The following CCDC192 variants were observed in gnomAD, a reference collection of about 807,000 sequenced individuals.
CCDC192 encodes coiled-coil domain-containing protein 192.
At chr5:127,730,271 A>G (rs1752567474) in intron 2 of CCDC192, among the ~76,000 whole-genome samples, 1 of 152,218 alleles carries the variant, frequency 6.6e-6, no homozygotes. Context: ...TAGAAAATCT[A>G]GAAGAACTGG....
At chr5:127,890,302 G>T (rs183762193) in intron 6 of CCDC192, among the ~76,000 whole-genome samples, 65 of 152,190 alleles carry the variant, frequency 4.3e-4, no homozygotes, top group African/African-American at 1.5e-3. Context: ...ACTTGAGCCT[G>T]GGTGGTCGAG....
At chr5:127,913,430 G>A (rs139215453) in intron 6 of CCDC192, among the ~76,000 whole-genome samples, 2 of 152,268 alleles carry the variant, frequency 1.3e-5, no homozygotes, top group East Asian at 3.9e-4. Context: ...AGGCCTCACT[G>A]ACCACCAAAG....
chr5:127,889,682 G>A (rs1297685900), intron 6 of CCDC192, among the ~76,000 whole-genome samples: 4 of 152,144 alleles, frequency 2.6e-5, no homozygotes, highest in Admixed American at 1.3e-4. Context: ...GATTACAGGT[G>A]TGAGCCACCA....
At chr5:127,802,410 C>T (rs999150742) in intron 5 of CCDC192, among the ~76,000 whole-genome samples, 1 of 152,104 alleles carries the variant, frequency 6.6e-6, no homozygotes, top group African/African-American at 2.4e-5. Context: ...GGGACCTGAC[C>T]CCCTTTCCTG....
intron 3 of CCDC192, among the ~76,000 whole-genome samples, chr5:127,774,453 T>C (rs929787592): frequency 6.6e-6 from 1 of 152,236 alleles, no homozygotes; most frequent in Admixed American, 6.5e-5. Flanking sequence ...GGGGTCCAAC[T>C]TCAAGTTCTA....
chr5:127,870,453 G>T (rs1218664066), intron 5 of CCDC192, among the ~76,000 whole-genome samples: 1 of 152,208 alleles, frequency 6.6e-6, no homozygotes. Context: ...GCAGACTGAA[G>T]TTGTCATTGG....
intron 3 of CCDC192, among the ~76,000 whole-genome samples, chr5:127,765,919 C>T (rs1755197342): frequency 6.6e-6 from 1 of 152,128 alleles, no homozygotes; most frequent in South Asian, 2.1e-4. Flanking sequence ...TTCCTGATCC[C>T]CAGTATTTGT....
intron 6 of CCDC192, among the ~76,000 whole-genome samples, chr5:127,879,395 T>A: frequency 7.5e-6 from 1 of 134,002 alleles, no homozygotes. Context: ...TGTAGAAAGC[T>A]GAAACTGGAT....
intron 2 of CCDC192, among the ~76,000 whole-genome samples, chr5:127,743,683 C>T (rs545736099): frequency 1.3e-5 from 2 of 152,280 alleles, no homozygotes; most frequent in East Asian, 3.9e-4. Context: ...TCTTAGGTGA[C>T]TATTGAGGCA....
At chr5:127,860,757 C>A (rs1447883559) in intron 5 of CCDC192, among the ~76,000 whole-genome samples, 1 of 152,128 alleles carries the variant, frequency 6.6e-6, no homozygotes, top group African/African-American at 2.4e-5. Flanking sequence ...ACTATACTTC[C>A]CATTAAGCCT....
intron 6 of CCDC192, among the ~76,000 whole-genome samples, chr5:127,886,211 C>T (rs1194605585): frequency 6.6e-6 from 1 of 152,166 alleles, no homozygotes; most frequent in Non-Finnish European, 1.5e-5. Context: ...TCTGGGCACA[C>T]CAATAGAGCA....
chr5:127,793,029 A>G (rs1756969402), intron 3 of CCDC192, among the ~76,000 whole-genome samples: 1 of 152,202 alleles, frequency 6.6e-6, no homozygotes, highest in Non-Finnish European at 1.5e-5. Context: ...GTGGCTACCT[A>G]TTGGGTACTA....
chr5:127,762,591 G>A (rs1297726505), intron 3 of CCDC192, among the ~76,000 whole-genome samples: 1 of 152,204 alleles, frequency 6.6e-6, no homozygotes. Flanking sequence ...GGCGGGATGT[G>A]TGGATTGTTG....
intron 5 of CCDC192, among the ~76,000 whole-genome samples, chr5:127,858,109 G>A (rs530124661): frequency 6.6e-6 from 1 of 152,272 alleles, no homozygotes; most frequent in South Asian, 2.1e-4. Context: ...GAAACACCTA[G>A]AACAATACTT....
chr5:127,721,910 T>C (rs151292617), intron 2 of CCDC192, among the ~76,000 whole-genome samples: 4 of 152,282 alleles, frequency 2.6e-5, no homozygotes, highest in Admixed American at 2.6e-4. Context: ...CTCATTATCA[T>C]GCGAACTACA....
At chr5:127,780,487 GT>G (rs999311414) in intron 3 of CCDC192, among the ~76,000 whole-genome samples, 1 of 152,074 alleles carries the variant, frequency 6.6e-6, no homozygotes, top group Non-Finnish European at 1.5e-5. Context: ...AACATCTACT[GT>G]TTTTTTATTT....
intron 5 of CCDC192, among the ~76,000 whole-genome samples, chr5:127,857,117 C>T (rs1388383648): frequency 6.6e-6 from 1 of 152,134 alleles, no homozygotes; most frequent in Admixed American, 6.5e-5. Context: ...TCTCAAAAGC[C>T]TCTCAAATAA....
At chr5:127,725,377 C>A (rs778803806) in intron 2 of CCDC192, among the ~76,000 whole-genome samples, 1 of 152,074 alleles carries the variant, frequency 6.6e-6, no homozygotes, top group Non-Finnish European at 1.5e-5. Flanking sequence ...CACTGTCCAA[C>A]AGAAATATAT....
chr5:127,777,828 CTTT>C (rs1452594204), intron 3 of CCDC192, among the ~76,000 whole-genome samples: 1 of 151,808 alleles, frequency 6.6e-6, no homozygotes, highest in Non-Finnish European at 1.5e-5. Flanking sequence ...TTCCTTTGCT[CTTT>C]CTTCATCTTC....
Sources: gnomAD v4.1 joint callset for allele counts (sites outside exome capture counted in the v4.1 genomes callset) on GRCh38, gnomAD v4.1.1 for gene constraint, MANE v1.5 for transcripts, NCBI Gene and HGNC (gene_info 2026-07-23, HGNC 2026-07-21) for gene names.